RPS6KC1: variants seen among roughly 807,000 people sequenced by gnomAD.
RPS6KC1 encodes the protein ribosomal protein S6 kinase C1.
Under a neutral mutation model 103.8 loss-of-function variants are expected in RPS6KC1, and 54 were observed. That is an observed-to-expected ratio of 0.52 (90% CI 0.42 to 0.65). The LOEUF (loss-of-function observed/expected upper bound fraction) is 0.65. RPS6KC1 is among the 30% of genes least tolerant of loss of function. The pLI, the probability that RPS6KC1 is intolerant of heterozygous loss-of-function variation, is 0.00. For synonymous variants in RPS6KC1, 439 were observed against 438.7 expected, an observed-to-expected ratio of 1.00 and a Z score of -0.01; for missense variants, 1,151 against 1,253.8, an observed-to-expected ratio of 0.92 and a Z score of 1.24.
At chr1:213,446,795 C>A in the RPS6KC1 span, among the ~76,000 whole-genome samples, 1 of 152,128 alleles carries the variant, frequency 6.6e-6, no homozygotes, top group African/African-American at 2.4e-5. Context: ...TTTTGTCTTG[C>A]TTTTTGGTCT....
the RPS6KC1 span, among the ~76,000 whole-genome samples, chr1:213,634,778 T>C: frequency 7.1e-6 from 1 of 140,338 alleles, no homozygotes; most frequent in South Asian, 2.3e-4. Flanking sequence ...AGAGGGGAAA[T>C]AAAAAATCCA....
At chr1:213,808,624 C>T in the RPS6KC1 span, among the ~76,000 whole-genome samples, 1 of 152,254 alleles carries the variant, frequency 6.6e-6, no homozygotes, top group African/African-American at 2.4e-5. Context: ...TTATTTAAGC[C>T]CATTGGAAAA....
chr1:213,750,513 C>A, the RPS6KC1 span, among the ~76,000 whole-genome samples: 1 of 152,118 alleles, frequency 6.6e-6, no homozygotes, highest in Non-Finnish European at 1.5e-5. Flanking sequence ...AGGACCCCAG[C>A]CAGGGTGCTG....
At chr1:213,763,052 T>C in the RPS6KC1 span, among the ~76,000 whole-genome samples, 1 of 152,022 alleles carries the variant, frequency 6.6e-6, no homozygotes, top group Non-Finnish European at 1.5e-5. Context: ...AGAGACAGGA[T>C]TTCACCATGT....
chr1:213,793,324 A>G, the RPS6KC1 span, among the ~76,000 whole-genome samples: 1 of 152,194 alleles, frequency 6.6e-6, no homozygotes, highest in African/African-American at 2.4e-5. Flanking sequence ...AGACACCTCA[A>G]CCTTGACATT....
the RPS6KC1 span, among the ~76,000 whole-genome samples, chr1:213,391,554 G>C: frequency 2.0e-5 from 3 of 152,180 alleles, no homozygotes; most frequent in Non-Finnish European, 4.4e-5. Context: ...GACCTGTCTG[G>C]TAGGCCTAGT....
chr1:213,573,076 C>T, the RPS6KC1 span, among the ~76,000 whole-genome samples: 1 of 152,318 alleles, frequency 6.6e-6, no homozygotes, highest in African/African-American at 2.4e-5. Context: ...ACTTCTATGT[C>T]AGAATACAAA....
At position 213,051,282 on chromosome 1, in the gene RPS6KC1, G is replaced by T. The variant is rs2148218681; in HGVS notation, c.-123G>T. On this transcript the variant is annotated 5_prime_UTR_variant, in exon 1 of 15. Coordinates refer to ENST00000366960, the MANE Select transcript of RPS6KC1 (RefSeq NM_012424.6). ...TGTGCAGCTGAGGCGCCGCCGTGGA[G>T]CCGCCTTGGAGCCACCGCCCCCTCG... is the stretch of plus-strand genomic sequence containing the variant. The T allele has an allele frequency of 1.8e-5, 12 of 669,232 alleles. No individual in the cohort carries two copies. In the South Asian group the frequency reaches 2.2e-4, roughly 12 times the overall value. 41.5% of individuals were successfully genotyped at this position (669,232 alleles called of 1,614,324 possible).
intron 6 of RPS6KC1, among the ~76,000 whole-genome samples, chr1:213,154,785 C>G (rs1186788619): frequency 1.3e-5 from 2 of 152,166 alleles, no homozygotes; most frequent in Admixed American, 1.3e-4. Context: ...AAGAGAAAGT[C>G]CCCTTTACTT....
In RPS6KC1 at chr1:213,273,906, T is replaced by G. The variant is rs2095094270; in HGVS notation, c.*1272T>G. The G allele has an allele frequency of 6.6e-6, 1 of 152,076 alleles. No individual in the cohort carries two copies. Among genetic ancestry groups the G allele is most frequent in the African/African-American group, 2.4e-5 (1 of 41,404 alleles). The allele number at this position is 152,076 out of a possible 1,614,324, so 9.4% of individuals were successfully genotyped here. On this transcript the variant is annotated 3_prime_UTR_variant, in exon 15 of 15. Coordinates refer to ENST00000366960, the MANE Select transcript of RPS6KC1 (RefSeq NM_012424.6). ...AGAAACCACCAGAAATAATTGAAAT[T>G]TTTGATATGTTCTAATCTTCTTTGC...
chr1:213,100,318 T>C (rs1034799460), intron 3 of RPS6KC1, among the ~76,000 whole-genome samples: 2 of 152,184 alleles, frequency 1.3e-5, no homozygotes, highest in African/African-American at 4.8e-5. Flanking sequence ...GAGTTCTTTG[T>C]ATATCTTAGA....
At chr1:213,318,686 G>A in the RPS6KC1 span, among the ~76,000 whole-genome samples, 1 of 152,156 alleles carries the variant, frequency 6.6e-6, no homozygotes, top group African/African-American at 2.4e-5. Flanking sequence ...ATGGCAGCAG[G>A]CAAAGAGAGA....
chr1:213,769,710 A>G, the RPS6KC1 span, among the ~76,000 whole-genome samples: 6 of 152,164 alleles, frequency 3.9e-5, no homozygotes, highest in Non-Finnish European at 8.8e-5. Flanking sequence ...ACAACCAATC[A>G]AGAAAAGGAG....
chr1:213,824,737 T>A, the RPS6KC1 span, among the ~76,000 whole-genome samples: 2 of 152,306 alleles, frequency 1.3e-5, no homozygotes, highest in East Asian at 1.9e-4. Context: ...GACATGACTT[T>A]CTCTTTCTTG....
intron 8 of RPS6KC1, among the ~76,000 whole-genome samples, chr1:213,207,967 C>T (rs2093400465): frequency 6.6e-6 from 1 of 152,220 alleles, no homozygotes; most frequent in African/African-American, 2.4e-5. Flanking sequence ...GCCACCGTAC[C>T]CGGTCTTGAA....
chr1:213,332,917 G>A, the RPS6KC1 span, among the ~76,000 whole-genome samples: 8 of 152,130 alleles, frequency 5.3e-5, no homozygotes, highest in Non-Finnish European at 1.2e-4. Context: ...TTACTTGGTT[G>A]GAAAGAAACT....
At chr1:213,325,439 T>C in the RPS6KC1 span, among the ~76,000 whole-genome samples, 1 of 152,156 alleles carries the variant, frequency 6.6e-6, no homozygotes, top group South Asian at 2.1e-4. Context: ...CCTTCCACCC[T>C]CCTACTAAAA....
intron 4 of RPS6KC1, among the ~76,000 whole-genome samples, chr1:213,107,392 A>G (rs535901057): frequency 5.9e-5 from 9 of 152,274 alleles, no homozygotes; most frequent in African/African-American, 2.2e-4. Flanking sequence ...ATTACACAAT[A>G]TATGTAGCGT....
Position 213,241,254 on chromosome 1 carries a change from CA to C in RPS6KC1, c.1784del (p.Asn595IlefsTer9). ...AGAACATCAGATTCCCTCAGTAGAT[CA>C]AAAAATAGCCCCATGGAATTCTTTA... is the stretch of plus-strand genomic sequence containing the variant. ...SPRTSDSLSR[S>X]KNSPMEFFRI... On this transcript the variant is annotated frameshift_variant, in exon 11 of 15. Coordinates refer to ENST00000366960, the MANE Select transcript of RPS6KC1 (RefSeq NM_012424.6). LOFTEE classifies it high-confidence loss of function. The C allele has an allele frequency of 6.2e-7, 1 of 1,613,772 alleles. No individual in the cohort carries two copies. The highest frequency in any genetic ancestry group is 8.5e-7 in the Non-Finnish European group (1 of 1,179,878).
Sources: allele counts gnomAD v4.1 joint callset (sites outside exome capture counted in the v4.1 genomes callset), GRCh38; gene constraint gnomAD v4.1.1; transcripts MANE v1.5; gene names NCBI Gene and HGNC (gene_info 2026-07-23, HGNC 2026-07-21).